Variants in NCOR2 observed in about 807,000 individuals in gnomAD.
NCOR2 encodes the protein CTG repeat protein 26.
A neutral mutation model predicts 262.9 loss-of-function variants in NCOR2; 81 were observed. The observed-to-expected ratio is 0.31, with a 90% confidence interval of 0.26 to 0.37. The LOEUF (loss-of-function observed/expected upper bound fraction) is 0.37. Ranked by LOEUF, NCOR2 falls within the 10% of genes least tolerant of loss-of-function variation. The probability of loss-of-function intolerance (pLI) is 1.00; values close to 1 mark genes in which losing one functional copy is unlikely to be tolerated. For synonymous variants in NCOR2, 1,659 were observed against 1,559.3 expected (o/e 1.06, Z -1.51); for missense variants, 3,385 against 3,621.4 (o/e 0.93, Z 1.68).
exon 15 of NCOR2, chr12:124,400,570 T>C (rs2041940973): frequency 2.5e-6 from 4 of 1,614,090 alleles, no homozygotes; most frequent in Non-Finnish European, 3.4e-6. Context: ...GAGCGGGTGA[T>C]GCGGCCTTTG....
intron 1 of NCOR2, among the ~76,000 whole-genome samples, chr12:124,545,510 C>T (rs551014597): frequency 6.6e-6 from 1 of 152,310 alleles, no homozygotes; most frequent in South Asian, 2.1e-4. Flanking sequence ...CACCGACACA[C>T]GGGGACCCTC....
At chr12:124,420,626 G>A (rs2043152846) in intron 12 of NCOR2, among the ~76,000 whole-genome samples, 1 of 152,208 alleles carries the variant, frequency 6.6e-6, no homozygotes, top group South Asian at 2.1e-4. Flanking sequence ...TCTTTTCCAT[G>A]TAGATTGGGT....
At chr12:124,448,783 C>T (rs1440008648) in intron 7 of NCOR2, among the ~76,000 whole-genome samples, 4 of 152,094 alleles carry the variant, frequency 2.6e-5, no homozygotes, top group African/African-American at 4.8e-5. Flanking sequence ...CTTTCAGGAA[C>T]GGGGAGCTCA....
intron 16 of NCOR2, chr12:124,388,585 G>A (rs573756470): frequency 4.2e-5 from 51 of 1,218,578 alleles, no homozygotes; most frequent in South Asian, 2.8e-4. Context: ...CCAGAACTCC[G>A]ACTCCCCAGC....
intron 4 of NCOR2, among the ~76,000 whole-genome samples, chr12:124,471,411 C>G (rs912669071): frequency 6.6e-6 from 1 of 152,206 alleles, no homozygotes; most frequent in Non-Finnish European, 1.5e-5. Context: ...CACAATGACT[C>G]AATCAACCAT....
At chr12:124,513,878 G>T (rs1339167313) in intron 1 of NCOR2, 2 of 152,192 alleles carry the variant, frequency 1.3e-5, no homozygotes, top group African/African-American at 4.8e-5. Flanking sequence ...AAAAGCATGA[G>T]AACTTTTCCT....
intron 38 of NCOR2, chr12:124,335,984 C>T (rs867548368): frequency 5.0e-5 from 13 of 258,770 alleles, no homozygotes; most frequent in South Asian, 2.8e-4. Flanking sequence ...GTGTGTGGGG[C>T]GGAGTGAGAA....
chr12:124,329,012 C>T (rs1297972911), intron 44 of NCOR2: 6 of 434,232 alleles, frequency 1.4e-5, no homozygotes, highest in Admixed American at 7.7e-5. Context: ...CACAGCAGCG[C>T]GACTGGGCCT....
upstream of NCOR2, among the ~76,000 whole-genome samples, chr12:124,499,309 G>A (rs1399560255): frequency 6.6e-6 from 1 of 152,066 alleles, no homozygotes; most frequent in African/African-American, 2.4e-5. Context: ...GGCTGCGGTG[G>A]GGTCAGAAAG....
At chr12:124,478,860 G>A (rs890757948) in intron 3 of NCOR2, among the ~76,000 whole-genome samples, 2 of 152,160 alleles carry the variant, frequency 1.3e-5, no homozygotes, top group Middle Eastern at 3.2e-3. Flanking sequence ...CAAAGAGAAA[G>A]AGATGGAGAG....
At chr12:124,450,917 T>C (rs1246362864) in intron 6 of NCOR2, among the ~76,000 whole-genome samples, 1 of 152,248 alleles carries the variant, frequency 6.6e-6, no homozygotes, top group Non-Finnish European at 1.5e-5. Context: ...AACGAGACAG[T>C]GCATGCTAAG....
chr12:124,511,710 G>A (rs778883717), intron 1 of NCOR2, among the ~76,000 whole-genome samples: 2 of 152,100 alleles, frequency 1.3e-5, no homozygotes, highest in African/African-American at 4.8e-5. Context: ...CAGACTCCCC[G>A]AATGGGGCTT....
rs11057599 is a variant in NCOR2, at chr12:124,365,963, A to G, written c.2808-2164T>C. 2.8e-4 allele frequency among the ~76,000 whole-genome samples: 43 copies of G among 152,208 alleles called. 3 individuals carry two copies. In the East Asian group the frequency reaches 4.3e-3, roughly 15 times the overall value. On this transcript the variant is annotated intron_variant, in intron 20 of 46. Coordinates refer to ENST00000405201, the Ensembl canonical transcript of NCOR2. ...CCCCTATGTCCCTCCCCACAGGTTT[A>G]CCTACCACCATCCGTTTCAACCAGC...
In NCOR2 at chr12:124,339,585, T is replaced by C. The variant is rs79887820; in HGVS notation, c.5687+421A>G. ...CATCCATCCACCCACCCAGCTAACC[T>C]AACCATCTATCCTCCCACTGACCCA... On this transcript the variant is annotated intron_variant, in intron 37 of 46. Transcript: ENST00000405201. Among the ~76,000 whole-genome samples the C allele has an allele frequency of 7.3e-3, 858 of 117,488 alleles. 6 individuals are homozygous for C. The highest frequency in any genetic ancestry group is 0.011 in the Non-Finnish European group (619 of 55,918). 77.1% of individuals were successfully genotyped at this position (117,488 alleles called of 152,430 possible). A position where few individuals can be genotyped will look rare whatever the true frequency, so the allele number is the denominator to read the frequency against.
At chr12:124,345,105 C>T (rs1357531636) in intron 31 of NCOR2, among the ~76,000 whole-genome samples, 154 bp from the exon 34 acceptor site, 2 of 152,158 alleles carry the variant, frequency 1.3e-5, no homozygotes, top group Non-Finnish European at 2.9e-5. Context: ...TTTGCTAACC[C>T]TGAGATGGCA....
chr12:124,340,855 G>A (rs1022061643), intron 34 of NCOR2, 104 bp from the exon 37 acceptor site: 1 of 1,143,690 alleles, frequency 8.7e-7, no homozygotes, highest in Admixed American at 3.9e-5. Flanking sequence ...CACTCCTGGA[G>A]CCAGCAGAGC....
intron 1 of NCOR2, among the ~76,000 whole-genome samples, chr12:124,512,728 G>A (rs947298814): frequency 5.3e-5 from 8 of 152,214 alleles, no homozygotes; most frequent in East Asian, 1.9e-4. Context: ...GAGTTCAGCC[G>A]ATGCCCAGGG....
intron 20 of NCOR2, among the ~76,000 whole-genome samples, chr12:124,371,719 C>T (rs957856973): frequency 1.3e-5 from 2 of 152,154 alleles, no homozygotes; most frequent in African/African-American, 4.8e-5. Context: ...CTTGTGAGGG[C>T]GGCCCTAGGA....
At chr12:124,502,578 C>T (rs545676843) in intron 1 of NCOR2, among the ~76,000 whole-genome samples, 33 of 152,184 alleles carry the variant, frequency 2.2e-4, no homozygotes, top group African/African-American at 7.5e-4. Context: ...CAGGACCGAG[C>T]CTGGTGTGTG....
Sources: allele counts gnomAD v4.1 joint callset (sites outside exome capture counted in the v4.1 genomes callset), GRCh38; gene constraint gnomAD v4.1.1; transcripts MANE v1.5; gene names NCBI Gene and HGNC (gene_info 2026-07-23, HGNC 2026-07-21).